The following SHANK2 variants were observed in gnomAD, a reference collection of about 807,000 sequenced individuals.
The protein encoded by SHANK2 is SH3 and multiple ankyrin repeat domains protein 2.
SHANK2 carries 43 observed loss-of-function variants against 133.7 expected under a neutral mutation model. The ratio of observed to expected loss-of-function variants is 0.32; its 90% CI spans 0.25 to 0.41. The LOEUF (loss-of-function observed/expected upper bound fraction) is 0.41, where lower values mean the gene tolerates loss of function less well. SHANK2 is among the 10% of genes least tolerant of loss of function. The probability of loss-of-function intolerance (pLI) is 1.00; values close to 1 mark genes in which losing one functional copy is unlikely to be tolerated. For missense variants in SHANK2, 1,994 were observed against 2,235.8 expected (o/e 0.89, Z 2.18); for synonymous variants, 1,017 against 952.8 (o/e 1.07, Z -1.24).
intron 17 of SHANK2, among the ~76,000 whole-genome samples, chr11:70,521,044 T>C (rs1460908665): frequency 6.6e-6 from 1 of 152,246 alleles, no homozygotes; most frequent in Non-Finnish European, 1.5e-5. Flanking sequence ...ACATGTGACT[T>C]TGTGTCTTCA....
At chr11:70,600,784 C>T (rs76896753) in intron 17 of SHANK2, among the ~76,000 whole-genome samples, 1 of 152,184 alleles carries the variant, frequency 6.6e-6, no homozygotes, top group Non-Finnish European at 1.5e-5. Context: ...CACACACATA[C>T]ACACACAATC....
chr11:71,133,984 C>A (rs564241178), intron 3 of SHANK2, among the ~76,000 whole-genome samples: 9 of 150,488 alleles, frequency 6.0e-5, no homozygotes, highest in African/African-American at 2.2e-4. Flanking sequence ...ATCCCCCTGC[C>A]TGAGCCTTCT....
intron 11 of SHANK2, among the ~76,000 whole-genome samples, chr11:70,854,832 A>G (rs1177918949): frequency 2.0e-5 from 3 of 152,236 alleles, no homozygotes; most frequent in Non-Finnish European, 2.9e-5. Context: ...GGGGTCCTGG[A>G]CAAGCCCTCT....
chr11:70,806,926 G>A (rs1274565760), intron 13 of SHANK2, 76 bp downstream of exon 13: 15 of 655,620 alleles, frequency 2.3e-5, no homozygotes, highest in Non-Finnish European at 3.1e-5. Flanking sequence ...CTTGGACATC[G>A]TCCCCACAGC....
intron 1 of SHANK2, among the ~76,000 whole-genome samples, chr11:71,248,199 C>G (rs1225851718): frequency 6.6e-6 from 1 of 152,236 alleles, no homozygotes; most frequent in Non-Finnish European, 1.5e-5. Flanking sequence ...CCCCAAAGCC[C>G]AGCATCAGTA....
chr11:70,529,508 A>T (rs1359767171), intron 17 of SHANK2, among the ~76,000 whole-genome samples: 2 of 152,224 alleles, frequency 1.3e-5, no homozygotes, highest in Non-Finnish European at 2.9e-5. Context: ...AATAGCCTAG[A>T]AGGTCCTCCT....
chr11:70,526,754 C>T (rs2059403245), intron 17 of SHANK2, among the ~76,000 whole-genome samples: 1 of 152,142 alleles, frequency 6.6e-6, no homozygotes, highest in South Asian at 2.1e-4. Flanking sequence ...TTTCAGTTGA[C>T]ACCACTCCTC....
intron 17 of SHANK2, among the ~76,000 whole-genome samples, chr11:70,628,213 G>A (rs2060930353): frequency 6.6e-6 from 1 of 152,298 alleles, no homozygotes; most frequent in African/African-American, 2.4e-5. Flanking sequence ...ACCCGCTTCA[G>A]CCTCCCACCA....
rs2058608854 is a variant in SHANK2 at position 70,472,503 on chromosome 11, G to C, written c.*366C>G. 8.6e-6 allele frequency: 3 copies of C among 350,648 alleles called. No homozygotes were observed. The highest frequency in any genetic ancestry group is 2.1e-5 in the African/African-American group (1 of 47,198). 21.7% of individuals were successfully genotyped at this position (350,648 alleles called of 1,614,324 possible). On this transcript the variant is annotated 3_prime_UTR_variant, in exon 26 of 26. Coordinates refer to ENST00000601538, the MANE Select transcript of SHANK2 (RefSeq NM_012309.5). This position sits in a 1 kb window ranked among gnomAD's most constrained non-coding sequence, Gnocchi z 4.4. ...GGACGGAGGTCTCAGGAGGTATCTA[G>C]AGTGCACTGGTGTCTGCCTACAAGA...
At chr11:70,502,730 T>TGGGCGGGGGGGG in intron 18 of SHANK2, 66 bp downstream of exon 18, 28 of 772,440 alleles carry the variant, frequency 3.6e-5, no homozygotes, top group Middle Eastern at 9.3e-4. Context: ...CCAGCTGTCC[T>TGGGCGGGGGGGG]GCCCGCCCCC....
chr11:70,871,171 C>A (rs1555070119), intron 11 of SHANK2, among the ~76,000 whole-genome samples: 2 of 152,222 alleles, frequency 1.3e-5, no homozygotes, highest in African/African-American at 4.8e-5. Flanking sequence ...AAAGACCCTA[C>A]CTCTAAACAA....
At chr11:71,093,943 G>T (rs951739968) in intron 7 of SHANK2, among the ~76,000 whole-genome samples, 3 of 152,126 alleles carry the variant, frequency 2.0e-5, no homozygotes, top group African/African-American at 7.2e-5. Context: ...GTCCAGAGGC[G>T]CCGTGGCTGC....
At chr11:71,113,043 C>A (rs1383139034) in intron 5 of SHANK2, among the ~76,000 whole-genome samples, 4 of 152,182 alleles carry the variant, frequency 2.6e-5, no homozygotes, top group African/African-American at 9.7e-5. Flanking sequence ...CTCCCTGGAG[C>A]AGCCAGTAGG....
In SHANK2 at chr11:70,698,705, G is replaced by A; in HGVS notation, c.1836C>T (p.Asp612=). 2 of 718,684 alleles carry A rather than the reference G, an allele frequency of 2.8e-6. No individual in the cohort carries two copies. Among genetic ancestry groups the A allele is most frequent in the Non-Finnish European group, 5.2e-6 (2 of 385,114 alleles). The allele number at this position is 718,684 out of a possible 1,614,324, so 44.5% of individuals were successfully genotyped here. A position where few individuals can be genotyped will look rare whatever the true frequency, so the allele number is the denominator to read the frequency against. The change falls in exon 15 of 26, where the codon GAC becomes GAT. Residue 612 remains aspartate, a synonymous_variant. Transcript: ENST00000601538. ...CGTCTTACCTGGAAGTGTCGAAGCT[G>A]TCATAGGAGCCCACGGTGTAGTGCC... ...LFRHYTVGSY[D]SFDTSSDCII... is the part of the protein sequence containing the mutation.
intron 17 of SHANK2, among the ~76,000 whole-genome samples, chr11:70,595,283 C>A (rs782126236): frequency 6.6e-5 from 10 of 152,230 alleles, no homozygotes; most frequent in Admixed American, 1.3e-4. Context: ...CTCAGGAAGC[C>A]CCGGTGCCAG....
Position 70,830,607 on chromosome 11 carries a change from G to C in SHANK2, c.1175-9925C>G, listed in dbSNP as rs539246350. 1.3e-5 allele frequency among the ~76,000 whole-genome samples: 2 copies of C among 152,238 alleles called. No homozygotes were observed. Among genetic ancestry groups the C allele is most frequent in the African/African-American group, 4.8e-5 (2 of 41,452 alleles). On this transcript the variant is annotated intron_variant, in intron 11 of 25. Transcript: ENST00000601538. The surrounding 1 kb of genome is among the most constrained non-coding windows in gnomAD (Gnocchi z 4.4). ...TTCCCATCTCTAAAACAAGTATTCC[G>C]AGGATGACCGAGCGCTAGTGGTTGA...
chr11:71,224,341 C>G (rs1002846401), intron 2 of SHANK2, among the ~76,000 whole-genome samples: 1 of 151,772 alleles, frequency 6.6e-6, no homozygotes, highest in Non-Finnish European at 1.5e-5. Context: ...CATCACGAGG[C>G]GCACCCCCGT....
chr11:71,061,996 T>C (rs2135936355), intron 9 of SHANK2, among the ~76,000 whole-genome samples: 1 of 147,784 alleles, frequency 6.8e-6, no homozygotes, highest in East Asian at 2.0e-4. Context: ...TTTTTTTTCT[T>C]GAGACAGGGT....
chr11:70,549,140 C>T (rs2059732933), intron 17 of SHANK2, among the ~76,000 whole-genome samples: 1 of 152,172 alleles, frequency 6.6e-6, no homozygotes, highest in South Asian at 2.1e-4. Flanking sequence ...CAGCTGTGCA[C>T]ACGGGGGCGC....
Sources: gnomAD v4.1 joint callset for allele counts (sites outside exome capture counted in the v4.1 genomes callset) on GRCh38, gnomAD v4.1.1 for gene constraint, Gnocchi (gnomAD v3.1) non-coding constraint, MANE v1.5 for transcripts, NCBI Gene and HGNC (gene_info 2026-07-23, HGNC 2026-07-21) for gene names.